Variants in ADD1 observed in about 807,000 individuals in gnomAD.
The protein encoded by ADD1 is alpha-adducin.
A neutral mutation model predicts 80.5 loss-of-function variants in ADD1; 24 were observed. The observed-to-expected ratio is 0.30, with a 90% CI of 0.22 to 0.42. The LOEUF is 0.42. Ranked by LOEUF, ADD1 falls within the 10% of genes least tolerant of loss-of-function variation. The pLI is 1.00. For synonymous variants in ADD1, 373 were observed against 393.8 expected (o/e 0.95, Z 0.63); for missense variants, 948 against 1,019.0 (o/e 0.93, Z 0.95).
intron 6 of ADD1, among the ~76,000 whole-genome samples, 177 bp downstream of exon 6, chr4:2,894,908 G>A (rs1734938119): frequency 6.6e-6 from 1 of 151,996 alleles, no homozygotes; most frequent in Non-Finnish European, 1.5e-5. Flanking sequence ...TCCTTTTAAG[G>A]GGTCCATATA....
chr4:2,852,668 TC>T (rs67374065), intron 1 of ADD1, among the ~76,000 whole-genome samples: 77,925 of 148,192 alleles, frequency 0.53, 20,929 homozygotes, highest in African/African-American at 0.6. Context: ...CTAGGTGTTT[TC>T]TGTACTGTTT....
Position 2,890,551 on chromosome 4 carries a change from C to T in ADD1, c.511-3462C>T, listed in dbSNP as rs561702124. On this transcript the variant is annotated intron_variant, in intron 4 of 15. Transcript: ENST00000683351. ...CCTCCCGAGTAGCTGGGAGTACAGT[C>T]GCCCGCCACCACACCCGGCTAATTT... 1.3e-3 allele frequency among the ~76,000 whole-genome samples: 200 copies of T among 152,162 alleles called. 1 individual carries two copies. Among genetic ancestry groups the T allele is most frequent in the Non-Finnish European group, 1.6e-3 (110 of 67,988 alleles).
At chr4:2,919,259 T>C (rs928773229) in intron 14 of ADD1, among the ~76,000 whole-genome samples, 2 of 152,210 alleles carry the variant, frequency 1.3e-5, no homozygotes, top group Admixed American at 6.5e-5. Context: ...GATTTTTGCA[T>C]TGATGTTCAT....
chr4:2,877,001 C>CA (rs397879163), intron 2 of ADD1, among the ~76,000 whole-genome samples: 303 of 117,946 alleles, frequency 2.6e-3, no homozygotes, highest in Admixed American at 6.1e-3. Flanking sequence ...GACTCTGTCT[C>CA]AAAAAAAAAA....
At chr4:2,922,640 T>G (rs377741322) in intron 14 of ADD1, among the ~76,000 whole-genome samples, 3 of 152,364 alleles carry the variant, frequency 2.0e-5, no homozygotes, top group Non-Finnish European at 1.5e-5. Context: ...GAGTTGGCTG[T>G]CTGTCCCTCA....
chr4:2,895,096 CA>C (rs932730625), intron 6 of ADD1, among the ~76,000 whole-genome samples: 37 of 151,494 alleles, frequency 2.4e-4, no homozygotes, highest in Non-Finnish European at 4.1e-4. Context: ...CCCGTCTGTA[CA>C]AAAAAAATTA....
chr4:2,851,808 A>T (rs1444042287), intron 1 of ADD1, among the ~76,000 whole-genome samples: 4 of 152,014 alleles, frequency 2.6e-5, no homozygotes, highest in African/African-American at 9.7e-5. Flanking sequence ...TAGGGGGGAA[A>T]TAGATGACCC....
Position 2,928,752 on chromosome 4 carries a change from ACATGCTCTCCCCACAGGGGGGAGG to A in ADD1, c.*232_*255del. 9.5e-6 allele frequency: 5 copies of A among 525,078 alleles called. No homozygotes were observed. Among genetic ancestry groups the A allele is most frequent in the South Asian group, 2.6e-5 (1 of 38,014 alleles). The allele number at this position is 525,078 out of a possible 1,614,324, so 32.5% of individuals were successfully genotyped here. On this transcript the variant is annotated 3_prime_UTR_variant, in exon 16 of 16. Coordinates refer to ENST00000683351, the MANE Select transcript of ADD1 (RefSeq NM_001354761.2). The stretch of plus-strand genomic sequence containing the variant: ...CTCAGAGCCTCAGCTTCTGGGGGAG[ACATGCTCTCCCCACAGGGGGGAGG>A]CACTAAGTCATGGTCCTGGCTGGAA...
chr4:2,914,672 A>C, intron 13 of ADD1: 1 of 497,516 alleles, frequency 2.0e-6, no homozygotes, highest in Non-Finnish European at 3.5e-6. Flanking sequence ...TTTGTGGTTA[A>C]TATCTGTTCA....
Position 2,906,393 on chromosome 4 carries a change from C to A in ADD1, c.1506+1285C>A, listed in dbSNP as rs200768022. 2.4e-3 allele frequency among the ~76,000 whole-genome samples: 337 copies of A among 137,574 alleles called. 5 individuals carry two copies. The East Asian group carries it at 0.047, about 19-fold the overall frequency. 90.3% of individuals were successfully genotyped at this position (137,574 alleles called of 152,430 possible). On this transcript the variant is annotated intron_variant, in intron 10 of 15. Transcript: ENST00000683351. ...GTTAAAGGAAGTGGGCGTTATAAAA[C>A]AAAAAAAAAAAACCCCAAAACACCT...
chr4:2,882,459 A>G (rs1732516759), intron 3 of ADD1, among the ~76,000 whole-genome samples: 1 of 152,260 alleles, frequency 6.6e-6, no homozygotes, highest in South Asian at 2.1e-4. Flanking sequence ...GAAAAGCCAG[A>G]GGAAAAGTAC....
rs370483088 is a variant in ADD1, at chr4:2,894,701, C to G, written c.711C>G (p.Val237=). 3.7e-6 allele frequency: 6 copies of G among 1,602,788 alleles called. No homozygotes were observed. Among genetic ancestry groups the G allele is most frequent in the Middle Eastern group, 1.7e-4 (1 of 6,054 alleles). The part of the protein sequence containing the change: ...IYAARPDVKC[V]VHIHTPAGAA... The stretch of plus-strand genomic sequence containing the variant: ...CTGCACGCCCGGACGTGAAGTGCGT[C>G]GTGCACATTCACACCCCAGCAGGGG... The change falls in exon 6 of 16, where the codon GTC becomes GTG. Residue 237 remains valine, a synonymous_variant. Transcript: ENST00000683351.
rs1199378816 is a variant in ADD1, at chr4:2,876,124, T to C, written c.195+14T>C. 1 of 1,606,808 alleles carries C rather than the reference T, an allele frequency of 6.2e-7. No individual in the cohort carries two copies. The highest frequency in any genetic ancestry group is 2.2e-5 in the East Asian group (1 of 44,854). Reference sequence around the variant, plus strand: ...CTGCAAAGCCCTGTGAGAAGAGAAGTCTTTTCTCTGACCAGATGTCATCTT... The same window carrying C: ...CTGCAAAGCCCTGTGAGAAGAGAAGCCTTTTCTCTGACCAGATGTCATCTT... On this transcript the variant is annotated intron_variant, in intron 2 of 15. Transcript: ENST00000683351.
chr4:2,844,987 A>C (rs912754757), intron 1 of ADD1, among the ~76,000 whole-genome samples: 3 of 152,274 alleles, frequency 2.0e-5, no homozygotes. Context: ...CAGGCACCAG[A>C]GAGAGGAGGG....
chr4:2,929,060 T>C lies in ADD1; in HGVS notation c.*537T>C, dbSNP rs1397355538. The stretch of plus-strand genomic sequence containing the variant: ...ACCAGCGGCCTTGAAGAGGCAGGTC[T>C]GGGCCAGATGCTGGGCAGGAAACCC... On this transcript the variant is annotated 3_prime_UTR_variant, in exon 16 of 16. Transcript: ENST00000683351. 1 of 153,712 alleles carries C rather than the reference T, an allele frequency of 6.5e-6. No homozygotes were observed. The highest frequency in any genetic ancestry group is 1.4e-5 in the Non-Finnish European group (1 of 69,212). 9.5% of individuals were successfully genotyped at this position (153,712 alleles called of 1,614,324 possible).
intron 6 of ADD1, among the ~76,000 whole-genome samples, chr4:2,897,128 G>A (rs1040714609): frequency 6.6e-6 from 1 of 152,042 alleles, no homozygotes; most frequent in African/African-American, 2.4e-5. Context: ...CTGATACTTT[G>A]GAAGGAGTTA....
chr4:2,880,474 T>C lies in ADD1; in HGVS notation c.196-1424T>C, dbSNP rs60327637. ...ATATTTCTTTCTTTCTTTTTTTTTT[T>C]TTTTTTTTTTTTTTTTTTTGAGACG... is the stretch of plus-strand genomic sequence containing the variant. On this transcript the variant is annotated intron_variant, in intron 2 of 15. Transcript: ENST00000683351. 8.4e-3 allele frequency among the ~76,000 whole-genome samples: 1,004 copies of C among 119,848 alleles called. 16 individuals carry two copies. The highest frequency in any genetic ancestry group is 0.032 in the African/African-American group (944 of 29,322). The allele number at this position is 119,848 out of a possible 152,430, so 78.6% of individuals were successfully genotyped here.
intron 8 of ADD1, chr4:2,898,760 T>A (rs1735683182): frequency 1.9e-6 from 1 of 534,858 alleles, no homozygotes; most frequent in Non-Finnish European, 3.3e-6. Context: ...TTCAAATATG[T>A]CAGTCACTAC....
At chr4:2,914,745 G>T in intron 13 of ADD1, 139 bp from the exon 14 acceptor site, 1 of 934,824 alleles carries the variant, frequency 1.1e-6, no homozygotes, top group Non-Finnish European at 1.6e-6. Context: ...CCTAGGCCTC[G>T]GGCCCATGGC....
Sources: allele counts gnomAD v4.1 joint callset (sites outside exome capture counted in the v4.1 genomes callset), GRCh38; gene constraint gnomAD v4.1.1; transcripts MANE v1.5; gene names NCBI Gene and HGNC (gene_info 2026-07-23, HGNC 2026-07-21).